DRAM1: variants seen among roughly 807,000 people sequenced by gnomAD.
The protein encoded by DRAM1 is DNA damage-regulated autophagy modulator protein 1.
DRAM1 carries 25 observed loss-of-function variants against 28.5 expected under a neutral mutation model. That is an observed-to-expected ratio of 0.88 (90% CI 0.64 to 1.23). The LOEUF is 1.23. DRAM1 is among the 50% of genes most tolerant of loss of function. The pLI, the probability that DRAM1 is intolerant of heterozygous loss-of-function variation, is 0.00. For missense variants in DRAM1, 249 were observed against 299.2 expected (o/e 0.83, Z 1.24); for synonymous variants, 113 against 114.2 (o/e 0.99, Z 0.07).
At chr12:101,920,290 G>A in intron 6 of DRAM1, 89 bp downstream of exon 6, 2 of 344,690 alleles carry the variant, frequency 5.8e-6, no homozygotes, top group Non-Finnish European at 8.3e-6. Flanking sequence ...TTTAAAAAGA[G>A]CACTTTCTTT....
rs766432965 is a variant in DRAM1 at position 101,908,323 on chromosome 12, G to A, written c.480G>A (p.Arg160=). ...QWNSLSTCHI[R]MVISAVSCAA... ...ACAGTCTCTCGACATGCCACATACG[G>A]ATGGTCATCTCTGCCGTTTCTTGCG... The change falls in exon 4 of 7, where the codon CGG becomes CGA. Residue 160 remains arginine, a synonymous_variant. Transcript: ENST00000258534. The A allele has an allele frequency of 6.2e-7, 1 of 1,613,312 alleles. No individual in the cohort carries two copies. The highest frequency in any genetic ancestry group is 8.5e-7 in the Non-Finnish European group (1 of 1,179,842).
intron 4 of DRAM1, among the ~76,000 whole-genome samples, chr12:101,912,820 C>T (rs184953352): frequency 4.6e-5 from 7 of 151,518 alleles, no homozygotes; most frequent in Non-Finnish European, 1.5e-5. Context: ...TGCCACCTCC[C>T]AGGTTCAAGC....
intron 3 of DRAM1, among the ~76,000 whole-genome samples, chr12:101,904,568 A>G (rs1319121805): frequency 6.7e-6 from 1 of 149,906 alleles, no homozygotes; most frequent in Non-Finnish European, 1.5e-5. Context: ...CAGCCTCCCA[A>G]GTAGCTGGGA....
rs534231651 is a variant in DRAM1 at position 101,908,046 on chromosome 12, G to A, written c.343-140G>A. On this transcript the variant is annotated intron_variant, in intron 3 of 6. Transcript: ENST00000258534. Reference sequence around the variant, plus strand: ...TCAGCACCTGGAGGGCTTTTCTTTTGGTAGTCAAACAGCCACATTTTCCAA... The same window carrying A: ...TCAGCACCTGGAGGGCTTTTCTTTTAGTAGTCAAACAGCCACATTTTCCAA... The A allele has an allele frequency of 2.0e-5, 14 of 713,608 alleles. No individual in the cohort carries two copies. In the African/African-American group the frequency reaches 2.5e-4, roughly 13 times the overall value. The allele number at this position is 713,608 out of a possible 1,614,324, so 44.2% of individuals were successfully genotyped here. A position where few individuals can be genotyped will look rare whatever the true frequency, so the allele number is the denominator to read the frequency against.
At position 101,882,202 on chromosome 12, in the gene DRAM1, G is replaced by A. The variant is rs1314612580; in HGVS notation, c.131+4282G>A. 4.1e-5 allele frequency among the ~76,000 whole-genome samples: 6 copies of A among 146,416 alleles called. 1 individual carries two copies. The South Asian group carries it at 9.2e-4, about 22-fold the overall frequency. ...CGGCTCACTGCAAGCTCCGCCTCCC[G>A]GGTTCACGCCATTTTCCTGCCTCAG... On this transcript the variant is annotated intron_variant, in intron 1 of 6. Transcript: ENST00000258534.
At position 101,922,942 on chromosome 12, in the gene DRAM1, A is replaced by T. The variant is rs1195110577; in HGVS notation, c.*1682A>T. 1.3e-5 allele frequency: 2 copies of T among 152,106 alleles called. No individual in the cohort carries two copies. Among genetic ancestry groups the T allele is most frequent in the Admixed American group, 1.3e-4 (2 of 15,258 alleles). The allele number at this position is 152,106 out of a possible 1,614,324, so 9.4% of individuals were successfully genotyped here. ...GCAAAATCCCATCTCTACAACAAAA[A>T]TACAAAAATTAGCCAAGTGCGGTGG... On this transcript the variant is annotated 3_prime_UTR_variant, in exon 7 of 7. Transcript: ENST00000258534.
At chr12:101,896,147 G>A (rs938095606) in intron 1 of DRAM1, among the ~76,000 whole-genome samples, 4 of 152,034 alleles carry the variant, frequency 2.6e-5, no homozygotes, top group East Asian at 1.9e-4. Context: ...CTCGACCTCC[G>A]AAAGTGCTGG....
chr12:101,913,839 A>C (rs1443069368), intron 4 of DRAM1, among the ~76,000 whole-genome samples: 1 of 152,096 alleles, frequency 6.6e-6, no homozygotes, highest in Admixed American at 6.6e-5. Context: ...TTAAACAGCT[A>C]GTTTAAATGG....
Position 101,902,974 on chromosome 12 carries a change from G to A in DRAM1, c.342+1541G>A, listed in dbSNP as rs556579172. ...CTTGCTCTGTCGCCCAGGCTAGAGT[G>A]TAGTGGCGCGATCTCGGTTCACTGC... is the stretch of plus-strand genomic sequence containing the variant. On this transcript the variant is annotated intron_variant, in intron 3 of 6. Coordinates refer to ENST00000258534, the MANE Select transcript of DRAM1 (RefSeq NM_018370.3). Among the ~76,000 whole-genome samples, 21 of 151,590 alleles carry A rather than the reference G, an allele frequency of 1.4e-4. No homozygotes were observed. The East Asian group carries it at 3.9e-3, about 28-fold the overall frequency.
chr12:101,881,053 G>A (rs930696912), intron 1 of DRAM1, among the ~76,000 whole-genome samples: 5 of 152,122 alleles, frequency 3.3e-5, no homozygotes, highest in African/African-American at 1.2e-4. Flanking sequence ...ACAAGTCCTT[G>A]GTGCAGCAAC....
intron 1 of DRAM1, among the ~76,000 whole-genome samples, chr12:101,879,661 C>T (rs984507116): frequency 2.0e-5 from 3 of 152,000 alleles, no homozygotes; most frequent in African/African-American, 7.2e-5. Context: ...CATCATCTTG[C>T]TTCTGAAGCA....
intron 5 of DRAM1, among the ~76,000 whole-genome samples, chr12:101,918,262 G>A (rs1335508337): frequency 6.6e-6 from 1 of 152,180 alleles, no homozygotes; most frequent in Non-Finnish European, 1.5e-5. Flanking sequence ...ATTTCACATA[G>A]CAAGGATATT....
At chr12:101,913,115 A>G (rs1874105537) in intron 4 of DRAM1, among the ~76,000 whole-genome samples, 2 of 152,138 alleles carry the variant, frequency 1.3e-5, no homozygotes, top group Non-Finnish European at 2.9e-5. Flanking sequence ...AGTTCAATCA[A>G]AATGGTTATC....
At chr12:101,895,206 T>TTTTTTTTTTTTTTTTTTTTG (rs1566123847) in intron 1 of DRAM1, among the ~76,000 whole-genome samples, 3 of 139,612 alleles carry the variant, frequency 2.1e-5, no homozygotes, top group Non-Finnish European at 4.6e-5. Context: ...TTTTTTTTTT[T>TTTTTTTTTTTTTTTTTTTTG]TTTTTTTTTT....
intron 3 of DRAM1, among the ~76,000 whole-genome samples, chr12:101,903,355 T>C (rs1873672277): frequency 6.6e-6 from 1 of 152,234 alleles, no homozygotes; most frequent in Non-Finnish European, 1.5e-5. Flanking sequence ...CAGAAAGTTT[T>C]CTTTTTGAAA....
chr12:101,882,835 C>CT (rs35171315), intron 1 of DRAM1, among the ~76,000 whole-genome samples: 1,982 of 112,536 alleles, frequency 0.018, 34 homozygotes, highest in Non-Finnish European at 0.027. Context: ...ATGCAACAGC[C>CT]TTTTTTTTTT....
At chr12:101,906,894 G>A (rs913374662) in intron 3 of DRAM1, among the ~76,000 whole-genome samples, 5 of 150,210 alleles carry the variant, frequency 3.3e-5, no homozygotes, top group African/African-American at 1.2e-4. Context: ...GAAAAGAAGG[G>A]AGCCAAAGGT....
intron 1 of DRAM1, among the ~76,000 whole-genome samples, chr12:101,896,175 A>G (rs1312218184): frequency 6.6e-6 from 1 of 152,220 alleles, no homozygotes; most frequent in East Asian, 1.9e-4. Flanking sequence ...GGCGTGGGCC[A>G]CTGTGCCCGG....
intron 1 of DRAM1, among the ~76,000 whole-genome samples, chr12:101,878,896 G>T (rs763026147): frequency 1.5e-4 from 23 of 150,438 alleles, no homozygotes; most frequent in Non-Finnish European, 2.4e-4. Flanking sequence ...GTGTTTTTTT[G>T]TTTGTTTGTT....
Sources: allele counts gnomAD v4.1 joint callset (sites outside exome capture counted in the v4.1 genomes callset), GRCh38; gene constraint gnomAD v4.1.1; transcripts MANE v1.5; gene names NCBI Gene and HGNC (gene_info 2026-07-23, HGNC 2026-07-21).